ASIC2: variants seen among roughly 807,000 people sequenced by gnomAD.
The protein encoded by ASIC2 is acid-sensing ion channel 2.
Under a neutral mutation model 57.3 loss-of-function variants are expected in ASIC2, and 25 were observed. The observed-to-expected ratio is 0.44, with a 90% CI of 0.32 to 0.61. ASIC2 has a LOEUF of 0.61. Ranked by LOEUF, ASIC2 falls within the 20% of genes least tolerant of loss-of-function variation. ASIC2 has a pLI of 0.06. For missense variants in ASIC2, 641 were observed against 738.1 expected (o/e 0.87, Z 1.52); for synonymous variants, 319 against 307.5 (o/e 1.04, Z -0.39).
chr17:33,158,299 A>G (rs1318449227), intron 1 of ASIC2, among the ~76,000 whole-genome samples: 1 of 151,886 alleles, frequency 6.6e-6, no homozygotes, highest in Non-Finnish European at 1.5e-5. Context: ...GAATGAATGA[A>G]TGAGTGAATC....
intron 1 of ASIC2, among the ~76,000 whole-genome samples, chr17:33,939,451 G>A (rs557431291): frequency 1.3e-5 from 2 of 152,286 alleles, no homozygotes; most frequent in Admixed American, 6.5e-5. Context: ...GAAGGGAAGA[G>A]GCTATCTAAG....
intron 1 of ASIC2, among the ~76,000 whole-genome samples, chr17:33,747,293 G>C (rs1050131651): frequency 7.0e-6 from 1 of 143,732 alleles, no homozygotes; most frequent in Admixed American, 7.3e-5. Flanking sequence ...GCATGATCAC[G>C]GCTCATTGCA....
At chr17:34,015,846 G>A (rs1210217095) in intron 1 of ASIC2, among the ~76,000 whole-genome samples, 1 of 152,188 alleles carries the variant, frequency 6.6e-6, no homozygotes, top group African/African-American at 2.4e-5. Flanking sequence ...GTGACCTTGG[G>A]CAAATGCCCA....
intron 1 of ASIC2, among the ~76,000 whole-genome samples, chr17:34,050,307 A>G (rs1419591137): frequency 2.0e-5 from 3 of 152,206 alleles, no homozygotes; most frequent in Non-Finnish European, 4.4e-5. Context: ...ACAACTTCAA[A>G]AGCATGCACA....
intron 1 of ASIC2, among the ~76,000 whole-genome samples, chr17:33,975,758 T>C (rs1905364372): frequency 1.3e-5 from 2 of 152,134 alleles, no homozygotes; most frequent in Admixed American, 1.3e-4. Flanking sequence ...CTGTCAATGA[T>C]GTTTGCCTAC....
intron 1 of ASIC2, among the ~76,000 whole-genome samples, chr17:33,264,780 T>C (rs188305248): frequency 6.6e-6 from 1 of 152,348 alleles, no homozygotes; most frequent in Admixed American, 6.5e-5. Flanking sequence ...AGGGTGCTGA[T>C]AGCATGAAAT....
intron 1 of ASIC2, among the ~76,000 whole-genome samples, chr17:33,707,595 G>A (rs1490201589): frequency 6.6e-6 from 1 of 152,008 alleles, no homozygotes; most frequent in Non-Finnish European, 1.5e-5. Context: ...TCATGGATTC[G>A]ATATTTTTTA....
chr17:33,716,749 A>G (rs1272480181), intron 1 of ASIC2, among the ~76,000 whole-genome samples: 1 of 152,174 alleles, frequency 6.6e-6, no homozygotes, highest in Non-Finnish European at 1.5e-5. Flanking sequence ...CCCTCAACAC[A>G]CACTCAGAAT....
At chr17:33,887,026 G>T (rs1914846379) in intron 1 of ASIC2, among the ~76,000 whole-genome samples, 1 of 152,138 alleles carries the variant, frequency 6.6e-6, no homozygotes, top group Non-Finnish European at 1.5e-5. Flanking sequence ...GCCGACTGTG[G>T]TGCTACCTAC....
intron 1 of ASIC2, among the ~76,000 whole-genome samples, chr17:33,953,937 G>T (rs1597947210): frequency 1.3e-5 from 2 of 152,168 alleles, no homozygotes; most frequent in East Asian, 3.8e-4. Flanking sequence ...TGGGCAATGG[G>T]GTTCCATGGT....
chr17:34,041,944 C>T (rs545357608), intron 1 of ASIC2, among the ~76,000 whole-genome samples: 3 of 152,208 alleles, frequency 2.0e-5, no homozygotes, highest in Non-Finnish European at 2.9e-5. Flanking sequence ...ATATCCCCAA[C>T]AGAAATATGT....
At chr17:33,734,957 C>T (rs1909865198) in intron 1 of ASIC2, among the ~76,000 whole-genome samples, 2 of 152,220 alleles carry the variant, frequency 1.3e-5, no homozygotes, top group Admixed American at 1.3e-4. Flanking sequence ...GTTCTGGCCA[C>T]ACTGACTTTC....
intron 1 of ASIC2, among the ~76,000 whole-genome samples, chr17:33,849,453 T>C (rs1913704742): frequency 6.6e-6 from 1 of 152,048 alleles, no homozygotes; most frequent in Admixed American, 6.6e-5. Context: ...GGTCCCATGG[T>C]TAGTAAGTGA....
intron 1 of ASIC2, among the ~76,000 whole-genome samples, chr17:33,285,139 A>G (rs1312339238): frequency 6.6e-6 from 1 of 152,238 alleles, no homozygotes; most frequent in African/African-American, 2.4e-5. Context: ...CTATTTCTCC[A>G]GCCCTTCTCC....
At chr17:33,493,995 A>G (rs1299883674) in intron 1 of ASIC2, among the ~76,000 whole-genome samples, 1 of 152,248 alleles carries the variant, frequency 6.6e-6, no homozygotes, top group Non-Finnish European at 1.5e-5. Flanking sequence ...TCTTACAGCC[A>G]ACCTGATTCA....
chr17:33,126,265 G>A (rs936541859), intron 1 of ASIC2, among the ~76,000 whole-genome samples: 1 of 152,236 alleles, frequency 6.6e-6, no homozygotes, highest in Non-Finnish European at 1.5e-5. Flanking sequence ...CCAGTTCTAT[G>A]GGGCCTGAGT....
At chr17:33,349,224 G>A (rs1407051185) in intron 1 of ASIC2, among the ~76,000 whole-genome samples, 1 of 152,190 alleles carries the variant, frequency 6.6e-6, no homozygotes, top group African/African-American at 2.4e-5. Flanking sequence ...GGATTTTTAT[G>A]TAAAATCATC....
chr17:33,178,706 C>T (rs753418108), intron 1 of ASIC2, among the ~76,000 whole-genome samples: 9 of 152,204 alleles, frequency 5.9e-5, no homozygotes, highest in Non-Finnish European at 1.0e-4. Context: ...CGTCCCTCCA[C>T]CAACCTAGAG....
chr17:33,070,106 A>G (rs2141948795), intron 3 of ASIC2, among the ~76,000 whole-genome samples: 1 of 152,324 alleles, frequency 6.6e-6, no homozygotes, highest in East Asian at 1.9e-4. Flanking sequence ...ACCTTCAAGT[A>G]TAGCACTTCA....
Sources: gnomAD v4.1 joint callset for allele counts (sites outside exome capture counted in the v4.1 genomes callset) on GRCh38, gnomAD v4.1.1 for gene constraint, MANE v1.5 for transcripts, NCBI Gene and HGNC (gene_info 2026-07-23, HGNC 2026-07-21) for gene names.